ATP10A: variants seen among roughly 807,000 people sequenced by gnomAD.
The protein encoded by ATP10A is phospholipid-transporting ATPase VA.
ATP10A carries 111 observed loss-of-function variants against 147.8 expected under a neutral mutation model. The observed-to-expected ratio is 0.75, with a 90% CI of 0.64 to 0.88. ATP10A has a LOEUF of 0.88. Ranked by LOEUF, ATP10A falls within the 40% of genes least tolerant of loss-of-function variation. The pLI, the probability that ATP10A is intolerant of heterozygous loss-of-function variation, is 0.00. For missense variants in ATP10A, 1,927 were observed against 1,959.0 expected (o/e 0.98, Z 0.31); for synonymous variants, 875 against 841.6 (o/e 1.04, Z -0.69).
At chr15:25,792,724 G>C (rs957349409) in intron 1 of ATP10A, among the ~76,000 whole-genome samples, 6 of 152,110 alleles carry the variant, frequency 3.9e-5, no homozygotes, top group Non-Finnish European at 1.5e-5. Flanking sequence ...TCACCTCCAG[G>C]AGACTTGTTT....
chr15:25,824,619 G>C (rs961081929), intron 1 of ATP10A, among the ~76,000 whole-genome samples: 6 of 149,610 alleles, frequency 4.0e-5, no homozygotes, highest in Admixed American at 1.3e-4. Context: ...TAGGAAGTCA[G>C]TGAAGATGGT....
At position 25,686,635 on chromosome 15, in the gene ATP10A, T is replaced by C. The variant is rs187939312; in HGVS notation, c.3291+1068A>G. On this transcript the variant is annotated intron_variant, in intron 16 of 20. Coordinates refer to ENST00000555815, the MANE Select transcript of ATP10A (RefSeq NM_024490.4). ...TAGGATAATCTTGACACTGGAGTTC[T>C]GGTGTTTAGCCAGGTAGATTTATGG... Among the ~76,000 whole-genome samples, 100 of 108,294 alleles carry C rather than the reference T, an allele frequency of 9.2e-4. 22 individuals are homozygous for C. The highest frequency in any genetic ancestry group is 2.2e-3 in the Admixed American group (25 of 11,300). 71.0% of individuals were successfully genotyped at this position (108,294 alleles called of 152,430 possible). A position where few individuals can be genotyped will look rare whatever the true frequency, so the allele number is the denominator to read the frequency against.
rs374002181 is a variant in ATP10A, at chr15:25,772,822, A to T, written c.654+8197T>A. 2.4e-4 allele frequency among the ~76,000 whole-genome samples: 37 copies of T among 152,214 alleles called. 1 individual carries two copies. The East Asian group carries it at 4.3e-3, about 18-fold the overall frequency. ...TGACACTCACATTTCTTGTCCTTTT[A>T]CAGTTTTGGGAGGCGGGGAACATAA... On this transcript the variant is annotated intron_variant, in intron 2 of 20. Coordinates refer to ENST00000555815, the MANE Select transcript of ATP10A (RefSeq NM_024490.4).
chr15:25,739,007 T>C (rs1246587543), intron 2 of ATP10A, among the ~76,000 whole-genome samples: 1 of 152,226 alleles, frequency 6.6e-6, no homozygotes, highest in Non-Finnish European at 1.5e-5. Flanking sequence ...AAAAAGATTG[T>C]ACAAGTAAGC....
At chr15:25,745,933 T>G (rs1887825686) in intron 2 of ATP10A, among the ~76,000 whole-genome samples, 1 of 151,700 alleles carries the variant, frequency 6.6e-6, no homozygotes, top group African/African-American at 2.4e-5. Context: ...ACTCAATGAA[T>G]CAGAAAGAAG....
chr15:25,743,504 G>A (rs1474337750), intron 2 of ATP10A, among the ~76,000 whole-genome samples: 1 of 152,216 alleles, frequency 6.6e-6, no homozygotes, highest in Non-Finnish European at 1.5e-5. Context: ...CCAGAGTTGA[G>A]GCTGGGCTTT....
chr15:25,833,026 A>T (rs1222773670), intron 1 of ATP10A, among the ~76,000 whole-genome samples: 1 of 132,378 alleles, frequency 7.6e-6, no homozygotes, highest in East Asian at 2.2e-4. Context: ...TCTGTTGCCC[A>T]GGTTGGAGTG....
chr15:25,861,507 T>A (rs926657513), intron 1 of ATP10A, among the ~76,000 whole-genome samples: 1 of 152,156 alleles, frequency 6.6e-6, no homozygotes, highest in Non-Finnish European at 1.5e-5. Context: ...GAGGCACGCA[T>A]CCATGGCTTC....
intron 5 of ATP10A, among the ~76,000 whole-genome samples, 174 bp downstream of exon 5, chr15:25,725,777 G>A (rs1481935638): frequency 6.6e-6 from 1 of 151,682 alleles, no homozygotes; most frequent in East Asian, 1.9e-4. Context: ...TGGGACTACA[G>A]GCACATTTTT....
At chr15:25,675,285 G>A (rs749803407), downstream of ATP10A, among the ~76,000 whole-genome samples, 29 of 152,276 alleles carry the variant, frequency 1.9e-4, no homozygotes, top group African/African-American at 4.8e-4. Context: ...CATTCTAAGC[G>A]TCCTGTAAGC....
At chr15:25,846,402 A>G (rs1893025906) in intron 1 of ATP10A, among the ~76,000 whole-genome samples, 1 of 152,238 alleles carries the variant, frequency 6.6e-6, no homozygotes, top group African/African-American at 2.4e-5. Flanking sequence ...GTGCCAGTGG[A>G]GCACAGCTCA....
intron 12 of ATP10A, among the ~76,000 whole-genome samples, chr15:25,703,073 T>G (rs940552464): frequency 2.0e-5 from 3 of 152,166 alleles, no homozygotes; most frequent in Non-Finnish European, 2.9e-5. Flanking sequence ...AAAGAGGCAC[T>G]GGGGTCGGGC....
intron 6 of ATP10A, among the ~76,000 whole-genome samples, 172 bp from the exon 7 acceptor site, chr15:25,722,081 G>C (rs539186154): frequency 6.6e-6 from 1 of 152,320 alleles, no homozygotes; most frequent in Admixed American, 6.5e-5. Context: ...AAAAGTATTA[G>C]AGTATTGGCA....
rs534502539 is a variant in ATP10A, at chr15:25,767,707, C to T, written c.654+13312G>A. Among the ~76,000 whole-genome samples the T allele has an allele frequency of 1.1e-4, 17 of 152,302 alleles. No individual in the cohort carries two copies. In the East Asian group the frequency reaches 2.5e-3, roughly 23 times the overall value. ...AAAGCTCCTCAGGGGAATCCCACCTCGGCCAATGAGACACTAAGAGGCTAA... is the reference window on the plus strand; with the variant it reads ...AAAGCTCCTCAGGGGAATCCCACCTTGGCCAATGAGACACTAAGAGGCTAA... On this transcript the variant is annotated intron_variant, in intron 2 of 20. Transcript: ENST00000555815.
At chr15:25,687,485 C>T (rs1169000298) in intron 16 of ATP10A, among the ~76,000 whole-genome samples, 1 of 151,864 alleles carries the variant, frequency 6.6e-6, no homozygotes, top group Admixed American at 6.6e-5. Context: ...CACCACCTCT[C>T]CCTAGAGATG....
In ATP10A at chr15:25,698,348, G is replaced by A. The variant is rs867480156; in HGVS notation, c.2761-3202C>T. 3.9e-5 allele frequency among the ~76,000 whole-genome samples: 6 copies of A among 152,292 alleles called. No homozygotes were observed. In the South Asian group the frequency reaches 8.3e-4, roughly 21 times the overall value. On this transcript the variant is annotated intron_variant, in intron 13 of 20. Coordinates refer to ENST00000555815, the MANE Select transcript of ATP10A (RefSeq NM_024490.4). ...ATGGGCCCAATGGGAGAATAGACAC[G>A]ACCAAGGAAAGAGTCAGTGAAGATC...
intron 5 of ATP10A, among the ~76,000 whole-genome samples, chr15:25,725,445 C>T (rs1186752480): frequency 6.6e-6 from 1 of 152,138 alleles, no homozygotes; most frequent in Non-Finnish European, 1.5e-5. Context: ...GGAACCAACC[C>T]CCCATGGATA....
chr15:25,773,760 A>C (rs975952271), intron 2 of ATP10A, among the ~76,000 whole-genome samples: 1 of 152,106 alleles, frequency 6.6e-6, no homozygotes, highest in Non-Finnish European at 1.5e-5. Flanking sequence ...ACTTGCAAAA[A>C]TGTTTGCACT....
intron 3 of ATP10A, among the ~76,000 whole-genome samples, chr15:25,729,436 C>T (rs776760120): frequency 2.6e-5 from 4 of 152,212 alleles, no homozygotes; most frequent in South Asian, 2.1e-4. Context: ...CTGATTCAGG[C>T]GTCTGCATTT....
Sources: gnomAD v4.1 joint callset for allele counts (sites outside exome capture counted in the v4.1 genomes callset) on GRCh38, gnomAD v4.1.1 for gene constraint, MANE v1.5 for transcripts, NCBI Gene and HGNC (gene_info 2026-07-23, HGNC 2026-07-21) for gene names.